Variants in MYO19 observed in about 807,000 individuals in gnomAD.
The protein encoded by MYO19 is unconventional myosin-XIX.
MYO19 carries 132 observed loss-of-function variants against 129.2 expected under a neutral mutation model. The ratio of observed to expected loss-of-function variants is 1.02; its 90% CI spans 0.89 to 1.18. MYO19 has a LOEUF of 1.18. MYO19 is among the 50% of genes most tolerant of loss of function. The pLI is 0.00. For synonymous variants in MYO19, 531 were observed against 477.2 expected, an observed-to-expected ratio of 1.11 and a Z score of -1.47; for missense variants, 1,210 against 1,216.7, an observed-to-expected ratio of 0.99 and a Z score of 0.08.
At chr17:36,540,434 A>T (rs2074191356) in intron 2 of MYO19, among the ~76,000 whole-genome samples, 1 of 149,522 alleles carries the variant, frequency 6.7e-6, no homozygotes, top group Admixed American at 6.7e-5. Flanking sequence ...GCAGTGGCAC[A>T]GTCTTGGTTC....
At chr17:36,504,992 G>C in intron 19 of MYO19, 6 of 535,468 alleles carry the variant, frequency 1.1e-5, no homozygotes, top group Non-Finnish European at 2.1e-5. Context: ...TGGTGATGTA[G>C]ACTTTCAGCT....
intron 15 of MYO19, 39 bp from the exon 16 acceptor site, chr17:36,507,551 G>A (rs1181790242): frequency 3.1e-6 from 5 of 1,589,960 alleles, no homozygotes; most frequent in South Asian, 2.2e-5. Context: ...GAAGGCAGCT[G>A]TGGTCTGATG....
upstream of MYO19, chr17:36,535,254 A>G (rs1480389554): frequency 2.1e-5 from 3 of 145,284 alleles, no homozygotes; most frequent in African/African-American, 8.4e-5. Flanking sequence ...CATTACCCTG[A>G]TAGGGCCTCG....
chr17:36,538,355 T>TA (rs771770340), upstream of MYO19: 1 of 1,614,168 alleles, frequency 6.2e-7, no homozygotes, highest in Non-Finnish European at 8.5e-7. Context: ...AGTCACCTGT[T>TA]ACAAATAAAA....
rs73276800 is a variant in MYO19 at position 36,532,446 on chromosome 17, T to C, written c.12+81A>G. On this transcript the variant is annotated intron_variant, in intron 3 of 25. Coordinates refer to ENST00000614623, the MANE Select transcript of MYO19 (RefSeq NM_001163735.2). The stretch of plus-strand genomic sequence containing the variant: ...AGAGAAAAGAGACCTTTAAGGGGGC[T>C]TTCCCTTCCTTCCAGGTTAGGGCTA... The C allele has an allele frequency of 7.9e-4, 1,195 of 1,518,432 alleles. 11 individuals are homozygous for C. In the African/African-American group the frequency reaches 0.015, roughly 20 times the overall value. 94.1% of individuals were successfully genotyped at this position (1,518,432 alleles called of 1,614,324 possible). A position where few individuals can be genotyped will look rare whatever the true frequency, so the allele number is the denominator to read the frequency against.
At chr17:36,508,944 A>G (rs1167989548) in intron 14 of MYO19, 118 bp downstream of exon 14, 3 of 821,464 alleles carry the variant, frequency 3.7e-6, no homozygotes, top group Non-Finnish European at 4.0e-6. Flanking sequence ...GCAAGAGGAG[A>G]CAAAAAAGGG....
rs374818551 is a variant in MYO19 at position 36,496,369 on chromosome 17, C to G, written c.2795G>C (p.Arg932Pro). Reference sequence around the variant, plus strand: ...AGGTTCAGGGCAGATGTCAGCATACCGCAGTGGAGACTTTCTGCAGTGAAA... The same window carrying G: ...AGGTTCAGGGCAGATGTCAGCATACGGCAGTGGAGACTTTCTGCAGTGAAA... ...IKFHCRKSPLRYADICPEPSP... is the reference protein window; with the variant it reads ...IKFHCRKSPLPYADICPEPSP... Residue 932 changes from arginine to proline, a missense_variant, in exon 26 of 26, where the codon CGG (arginine) becomes CCG (proline). Coordinates refer to ENST00000614623, the MANE Select transcript of MYO19 (RefSeq NM_001163735.2). 1 of 1,613,896 alleles carries G rather than the reference C, an allele frequency of 6.2e-7. No individual in the cohort carries two copies. Among genetic ancestry groups the G allele is most frequent in the South Asian group, 1.1e-5 (1 of 91,076 alleles).
chr17:36,496,031 G>GTAAC lies in MYO19; in HGVS notation c.*216_*219dup. On this transcript the variant is annotated 3_prime_UTR_variant, in exon 26 of 26. Coordinates refer to ENST00000614623, the MANE Select transcript of MYO19 (RefSeq NM_001163735.2). ...CCTGATGTTTCTTAACCCTGATTTG[G>GTAAC]TAACTACCAGCCCTGACACCATCAG... 1 of 781,286 alleles carries GTAAC rather than the reference G, an allele frequency of 1.3e-6. No homozygotes were observed. Among genetic ancestry groups the GTAAC allele is most frequent in the Non-Finnish European group, 1.9e-6 (1 of 527,032 alleles). 48.4% of individuals were successfully genotyped at this position (781,286 alleles called of 1,614,324 possible).
chr17:36,527,673 T>C lies in MYO19; in HGVS notation c.178A>G (p.Met60Val), dbSNP rs776949411. The change falls in exon 5 of 26, where the codon ATG becomes GTG. Residue 60 changes from methionine to valine, a missense_variant. Transcript: ENST00000614623. ...GCATTGGTGTAGAATGTGTCTGCCA[T>C]GTACCGGGCCTGCAGGCACCTCAGG... ...TVLRCLQARY[M>V]ADTFYTNAGC... 1.8e-5 allele frequency: 29 copies of C among 1,613,700 alleles called. No individual in the cohort carries two copies. The Middle Eastern group carries it at 4.9e-4, about 28-fold the overall frequency.
At chr17:36,531,025 AG>A (rs2073802546) in intron 3 of MYO19, among the ~76,000 whole-genome samples, 1 of 152,002 alleles carries the variant, frequency 6.6e-6, no homozygotes, top group African/African-American at 2.4e-5. Context: ...ACTTGAGGTC[AG>A]GAGTTTGAGA....
chr17:36,527,208 AAGGT>A (rs1209419674), intron 5 of MYO19, among the ~76,000 whole-genome samples: 3 of 152,030 alleles, frequency 2.0e-5, no homozygotes, highest in Non-Finnish European at 4.4e-5. Context: ...AAAAAATAAA[AAGGT>A]AGTTTGTTAA....
At position 36,509,433 on chromosome 17, in the gene MYO19, C is replaced by T. The variant is rs1599284254; in HGVS notation, c.1158-298G>A. The stretch of plus-strand genomic sequence containing the variant: ...GGGGAGGGAATCAGTCGAGCTCAGT[C>T]ACATGGCTCGAGACCCAGCTAGTGT... On this transcript the variant is annotated intron_variant, in intron 13 of 25. Transcript: ENST00000614623. 6.1e-5 allele frequency: 29 copies of T among 476,080 alleles called. 1 individual carries two copies. In the South Asian group the frequency reaches 6.3e-4, roughly 10 times the overall value. 29.5% of individuals were successfully genotyped at this position (476,080 alleles called of 1,614,324 possible).
At chr17:36,527,470 G>A in intron 5 of MYO19, 81 bp downstream of exon 5, 1 of 1,457,780 alleles carries the variant, frequency 6.9e-7, no homozygotes, top group African/African-American at 1.4e-5. Context: ...GTGAATAGAT[G>A]AATAAGGACA....
In MYO19 at chr17:36,511,385, T is replaced by C; in HGVS notation, c.965A>G (p.Gln322Arg). Reference sequence around the variant, plus strand: ...CTCACACTTGGCATCATCCATCGGCTGGCAGGGCTGGGCTTCATCCTCGGA... The same window carrying C: ...CTCACACTTGGCATCATCCATCGGCCGGCAGGGCTGGGCTTCATCCTCGGA... ...AASEDEAQPC[Q>R]PMDDAKYSVR... The change falls in exon 12 of 26, where the codon CAG becomes CGG. Residue 322 changes from glutamine (Q) to arginine (R), a missense_variant. By Grantham distance (43) the Gln-to-Arg change is conservative. Transcript: ENST00000614623. 6.3e-7 allele frequency: 1 copy of C among 1,577,606 alleles called. No homozygotes were observed. Among genetic ancestry groups the C allele is most frequent in the Non-Finnish European group, 8.6e-7 (1 of 1,161,852 alleles).
chr17:36,538,378 C>T (rs770369186), upstream of MYO19: 2 of 1,614,064 alleles, frequency 1.2e-6, no homozygotes, highest in Admixed American at 1.7e-5. Context: ...CATTCAGAAT[C>T]TCTAGTCCCT....
Position 36,510,749 on chromosome 17 carries a change from G to T in MYO19, c.1154C>A (p.Ala385Glu). 6.2e-7 allele frequency: 1 copy of T among 1,602,952 alleles called. No individual in the cohort carries two copies. The highest frequency in any genetic ancestry group is 8.5e-7 in the Non-Finnish European group (1 of 1,173,874). Residue 385 changes from alanine to glutamate, a missense_variant, in exon 13 of 26, where the codon GCG becomes GAG. Transcript: ENST00000614623. ...AGGGGCCAGAGTAACTGCTCACCGCGCATAGATCAGTTTGGCCAGGCAGTC... is the reference window on the plus strand; with the variant it reads ...AGGGGCCAGAGTAACTGCTCACCGCTCATAGATCAGTTTGGCCAGGCAGTC... ...RRDCLAKLIYARLFDWLVSVI... is the reference protein window; with the variant it reads ...RRDCLAKLIYERLFDWLVSVI...
chr17:36,510,228 G>C (rs555245728), intron 13 of MYO19, among the ~76,000 whole-genome samples: 1 of 152,204 alleles, frequency 6.6e-6, no homozygotes, highest in Non-Finnish European at 1.5e-5. Context: ...CCAGAGGGTG[G>C]AGGTACCCAC....
chr17:36,525,731 G>A (rs557360624), intron 5 of MYO19, among the ~76,000 whole-genome samples: 11 of 152,346 alleles, frequency 7.2e-5, no homozygotes, highest in African/African-American at 2.6e-4. Context: ...GATAAGGAAT[G>A]TGAGGTTCAG....
At chr17:36,522,372 G>A (rs900942109) in intron 6 of MYO19, among the ~76,000 whole-genome samples, 2 of 151,978 alleles carry the variant, frequency 1.3e-5, no homozygotes, top group Admixed American at 1.3e-4. Context: ...GCCGGGCCTG[G>A]TGGCAGGCGC....
Sources: allele counts gnomAD v4.1 joint callset (sites outside exome capture counted in the v4.1 genomes callset), GRCh38; gene constraint gnomAD v4.1.1; transcripts MANE v1.5; gene names NCBI Gene and HGNC (gene_info 2026-07-23, HGNC 2026-07-21).